The following DNAH2 variants were observed in gnomAD, a reference collection of about 807,000 sequenced individuals.
DNAH2 encodes dynein axonemal heavy chain 2, also known as axonemal beta dynein heavy chain 2.
DNAH2 carries 323 observed loss-of-function variants against 523.5 expected under a neutral mutation model. The ratio of observed to expected loss-of-function variants is 0.62; its 90% CI spans 0.56 to 0.68. The LOEUF is 0.68. Ranked by LOEUF, DNAH2 falls within the 30% of genes least tolerant of loss-of-function variation. DNAH2 has a pLI of 0.00. For missense variants in DNAH2, 4,907 were observed against 5,701.5 expected (o/e 0.86, Z 4.49); for synonymous variants, 2,093 against 2,177.4 (o/e 0.96, Z 1.08).
In DNAH2 at chr17:7,827,720, A is replaced by G. The variant is rs1316036097; in HGVS notation, c.11854-2580A>G. Reference sequence around the variant, plus strand: ...CTCAGCCTTCCAAACTGTTGGGATTACACGCATCAGCCACTGCGCCCAGCC... The same window carrying G: ...CTCAGCCTTCCAAACTGTTGGGATTGCACGCATCAGCCACTGCGCCCAGCC... On this transcript the variant is annotated intron_variant, in intron 77 of 85. Transcript: ENST00000572933. Among the ~76,000 whole-genome samples the G allele has an allele frequency of 4.0e-5, 6 of 150,888 alleles. No homozygotes were observed. In the East Asian group the frequency reaches 1.2e-3, roughly 30 times the overall value.
Position 7,817,783 on chromosome 17 carries a change from C to A in DNAH2, c.10170-7C>A. ...GGCCTCACCTCTGACCTGTACTCCC[C>A]TTCCAGGTGGGCACTGATGATCGAC... On this transcript the variant is annotated splice_polypyrimidine_tract_variant and splice_region_variant and intron_variant, in intron 66 of 85. Transcript: ENST00000572933. 6.2e-7 allele frequency: 1 copy of A among 1,614,078 alleles called. No individual in the cohort carries two copies. The highest frequency in any genetic ancestry group is 1.3e-5 in the African/African-American group (1 of 75,012).
At chr17:7,806,231 C>T (rs1040828560) in intron 61 of DNAH2, among the ~76,000 whole-genome samples, 19 of 152,158 alleles carry the variant, frequency 1.2e-4, no homozygotes, top group East Asian at 1.9e-4. Context: ...GCTCTGAGCA[C>T]GTCTAAGTTA....
In DNAH2 at chr17:7,824,727, G is replaced by A. The variant is rs1420873069; in HGVS notation, c.11853G>A (p.Lys3951=). 5.2e-6 allele frequency: 8 copies of A among 1,539,960 alleles called. No homozygotes were observed. The South Asian group carries it at 8.4e-5, about 16-fold the overall frequency. ...VSIKMTTEPP[K]GLKANMTRLY... ...TCAAGATGACCACAGAGCCACCAAA[G>A]GTATGTGGCCATAGAGAACCAGCAT... Residue 3951 remains lysine, a splice_region_variant and synonymous_variant, in exon 77 of 86, where the codon AAG becomes AAA. Transcript: ENST00000572933.
Position 7,823,969 on chromosome 17 carries a change from T to A in DNAH2, c.11465T>A (p.Leu3822Gln). The A allele has an allele frequency of 6.2e-7, 1 of 1,613,476 alleles. No individual in the cohort carries two copies. Among genetic ancestry groups the A allele is most frequent in the Non-Finnish European group, 8.5e-7 (1 of 1,179,858 alleles). The change falls in exon 75 of 86, where the codon CTG becomes CAG. Residue 3822 changes from leucine to glutamine, a missense_variant. This residue lies in a region of DNAH2 where 1,851 missense variants were observed against 2,139.4 expected (regional missense o/e 0.87). Coordinates refer to ENST00000572933, the MANE Select transcript of DNAH2 (RefSeq NM_020877.5). ...TCCCGCTTCATCGAGCCGCCTGTGC[T>A]GAATATGAAGTCGGTCGGTGGCTCG... ...LGSRFIEPPVLNMKSVLEDST... is the reference protein window; with the variant it reads ...LGSRFIEPPVQNMKSVLEDST...
intron 39 of DNAH2, among the ~76,000 whole-genome samples, chr17:7,785,120 G>A (rs1326761337): frequency 1.4e-5 from 2 of 145,828 alleles, no homozygotes; most frequent in African/African-American, 2.5e-5. Flanking sequence ...TTGAGATGGA[G>A]TCTCAAAAAA....
In DNAH2 at chr17:7,832,677, G is replaced by A. The variant is rs1203613413; in HGVS notation, c.12825G>A (p.Val4275=). 4 of 1,613,998 alleles carry A rather than the reference G, an allele frequency of 2.5e-6. No homozygotes were observed. The highest frequency in any genetic ancestry group is 2.5e-6 in the Non-Finnish European group (3 of 1,180,050). ...ELWASRARPP[V]IFWLSGFTFP... Reference sequence around the variant, plus strand: ...GGGCCAGCCGGGCCCGGCCTCCTGTGATCTTCTGGTTGTCTGGTTTCACCT... The same window carrying A: ...GGGCCAGCCGGGCCCGGCCTCCTGTAATCTTCTGGTTGTCTGGTTTCACCT... The change falls in exon 83 of 86, where the codon GTG becomes GTA. Residue 4275 remains valine (V), a synonymous_variant. Transcript: ENST00000572933. The surrounding 1 kb of genome is among the most constrained non-coding windows in gnomAD (Gnocchi z 4.3).
intron 33 of DNAH2, 100 bp downstream of exon 33, chr17:7,777,734 C>T: frequency 6.9e-7 from 1 of 1,441,838 alleles, no homozygotes; most frequent in Non-Finnish European, 9.5e-7. Flanking sequence ...CTAAGCCAAC[C>T]CTTAGTCCTG....
intron 12 of DNAH2, among the ~76,000 whole-genome samples, chr17:7,747,723 AG>A (rs1488015422): frequency 2.6e-5 from 4 of 152,210 alleles, no homozygotes; most frequent in African/African-American, 9.6e-5. Context: ...CAGATAGAAG[AG>A]GTGCCTGTTT....
intron 12 of DNAH2, chr17:7,743,981 G>C (rs1027847720): frequency 6.6e-6 from 1 of 152,234 alleles, no homozygotes; most frequent in African/African-American, 2.4e-5. Context: ...AGGGAGGTTA[G>C]GCTGCTGCTT....
chr17:7,743,576 G>A (rs1009416853), intron 12 of DNAH2: 4 of 562,646 alleles, frequency 7.1e-6, no homozygotes, highest in Admixed American at 3.2e-5. Context: ...TGAGGTGGGA[G>A]GATCGCCTGA....
intron 4 of DNAH2, among the ~76,000 whole-genome samples, chr17:7,729,572 A>C (rs972523238): frequency 1.3e-5 from 2 of 152,096 alleles, no homozygotes; most frequent in Non-Finnish European, 2.9e-5. Flanking sequence ...ATGGGATTAC[A>C]GGCATGTACC....
At chr17:7,793,493 TTCTTTCTTTC>T (rs2076969832) in intron 48 of DNAH2, among the ~76,000 whole-genome samples, 13 of 137,042 alleles carry the variant, frequency 9.5e-5, no homozygotes, top group African/African-American at 3.3e-4. Context: ...CTTTCTTTCT[TTCTTTCTTTC>T]TTTCTTTCTT....
chr17:7,806,099 A>G (rs758488138), intron 61 of DNAH2, among the ~76,000 whole-genome samples: 1 of 152,230 alleles, frequency 6.6e-6, no homozygotes, highest in Non-Finnish European at 1.5e-5. Flanking sequence ...TGGTACCCAT[A>G]CAATCATTCT....
At position 7,786,060 on chromosome 17, in the gene DNAH2, T is replaced by C; in HGVS notation, c.6130-64T>C. The C allele has an allele frequency of 6.4e-7, 1 of 1,564,950 alleles. No homozygotes were observed. ...CGTATTCTCTCTGGCACCGGGGAGA[T>C]TTTGAAAGCCCTTTAAAGGCCTCAT... On this transcript the variant is annotated intron_variant, in intron 39 of 85. Transcript: ENST00000572933. The surrounding 1 kb of genome is among the most constrained non-coding windows in gnomAD (Gnocchi z 7.5).
chr17:7,737,786 G>A lies in DNAH2; in HGVS notation c.1170+528G>A, dbSNP rs74336019. On this transcript the variant is annotated intron_variant, in intron 8 of 85. Coordinates refer to ENST00000572933, the MANE Select transcript of DNAH2 (RefSeq NM_020877.5). ...TAAGGGGCCACCTAGGACAAGGAGT[G>A]GGCATGGAACCCAGAGGTGTCGGCC... Among the ~76,000 whole-genome samples the A allele has an allele frequency of 6.9e-3, 1,052 of 152,244 alleles. 14 individuals are homozygous for A. Among genetic ancestry groups the A allele is most frequent in the African/African-American group, 0.022 (927 of 41,542 alleles).
At position 7,786,409 on chromosome 17, in the gene DNAH2, G is replaced by A. The variant is rs1455521703; in HGVS notation, c.6348+67G>A. The A allele has an allele frequency of 6.4e-7, 1 of 1,553,176 alleles. No individual in the cohort carries two copies. The highest frequency in any genetic ancestry group is 8.7e-7 in the Non-Finnish European group (1 of 1,146,436). ...GTAGTAAGAAGACAATGGAGGGTGG[G>A]GGCCAGGGAGGACCTTGCAAGGCCG... is the stretch of plus-strand genomic sequence containing the variant. On this transcript the variant is annotated intron_variant, in intron 40 of 85. Transcript: ENST00000572933. This position sits in a 1 kb window ranked among gnomAD's most constrained non-coding sequence, Gnocchi z 7.5.
intron 73 of DNAH2, 97 bp from the exon 74 acceptor site, chr17:7,823,345 T>TAA: frequency 5.9e-6 from 6 of 1,009,686 alleles, no homozygotes; most frequent in Admixed American, 3.7e-5. Flanking sequence ...GAGAGAAAAA[T>TAA]ACAGAGAGAG....
At position 7,816,730 on chromosome 17, in the gene DNAH2, G is replaced by A. The variant is rs1368633653; in HGVS notation, c.9889G>A (p.Val3297Ile). 1.2e-5 allele frequency: 20 copies of A among 1,613,494 alleles called. No individual in the cohort carries two copies. The highest frequency in any genetic ancestry group is 1.5e-5 in the Non-Finnish European group (18 of 1,180,012). The change falls in exon 64 of 86, where the codon GTC becomes ATC. Residue 3297 changes from valine (V) to isoleucine (I), a missense_variant. Around this residue, in one of 3 missense-constraint regions of DNAH2, gnomAD observed 1,851 missense variants for 2,139.4 expected, o/e 0.87. Coordinates refer to ENST00000572933, the MANE Select transcript of DNAH2 (RefSeq NM_020877.5). ...AGEKARWEET[V>I]QGLEEDLGYL... ...CGAGAAGGCCAGATGGGAGGAGACA[G>A]TCCAGGTGAGATCAGCTGTACTACC...
intron 56 of DNAH2, 97 bp from the exon 57 acceptor site, chr17:7,801,481 T>A (rs1052674412): frequency 6.4e-7 from 1 of 1,551,620 alleles, no homozygotes; most frequent in African/African-American, 1.4e-5. Context: ...TGGGGCATTT[T>A]AGGTTCTTAG....
Sources: gnomAD v4.1 joint callset for allele counts (sites outside exome capture counted in the v4.1 genomes callset) on GRCh38, gnomAD v4.1.1 for gene constraint, gnomAD v4.1.1 regional missense constraint, Gnocchi (gnomAD v3.1) non-coding constraint, MANE v1.5 for transcripts, NCBI Gene and HGNC (gene_info 2026-07-23, HGNC 2026-07-21) for gene names.